Variants in CNDP1 observed in about 807,000 individuals in gnomAD.
The protein encoded by CNDP1 is carnosine dipeptidase 1.
In CNDP1, 44 loss-of-function variants were observed where a neutral mutation model predicts 58.1. The observed-to-expected ratio is 0.76, with a 90% confidence interval of 0.60 to 0.97. CNDP1 has a LOEUF of 0.97. Among genes scored for constraint, CNDP1 ranks in the 50% least tolerant of loss-of-function variants. The pLI is 0.00. For missense variants in CNDP1, 616 were observed against 655.1 expected (o/e 0.94, Z 0.65); for synonymous variants, 254 against 252.6 (o/e 1.01, Z -0.05).
chr18:74,570,234 T>TAATAATAATAATAAA (rs1568298355), intron 6 of CNDP1, among the ~76,000 whole-genome samples: 3 of 83,818 alleles, frequency 3.6e-5, no homozygotes, highest in South Asian at 3.8e-4. Context: ...ATAATAATAA[T>TAATAATAATAATAAA]AAATAATTAA....
intron 1 of CNDP1, among the ~76,000 whole-genome samples, chr18:74,553,859 T>C (rs1393778108): frequency 6.6e-6 from 1 of 152,224 alleles, no homozygotes; most frequent in African/African-American, 2.4e-5. Context: ...AAGATGCTGC[T>C]GTTGACCATC....
chr18:74,583,795 T>A, intron 11 of CNDP1, 87 bp downstream of exon 11: 1 of 1,326,254 alleles, frequency 7.5e-7, no homozygotes, highest in Non-Finnish European at 1.1e-6. Context: ...CCTGTTCAAT[T>A]TATGTGAGAA....
intron 11 of CNDP1, chr18:74,584,083 G>T: frequency 3.3e-6 from 1 of 299,894 alleles, no homozygotes; most frequent in Non-Finnish European, 6.2e-6. Context: ...GGGGGGTTAG[G>T]GGTTCAACAC....
At chr18:74,570,661 A>G (rs1392886382) in intron 6 of CNDP1, among the ~76,000 whole-genome samples, 1 of 152,194 alleles carries the variant, frequency 6.6e-6, no homozygotes, top group Non-Finnish European at 1.5e-5. Flanking sequence ...ATACATAGAC[A>G]CTATCCTGTG....
chr18:74,557,258 G>A (rs1007342261), intron 2 of CNDP1, among the ~76,000 whole-genome samples: 1 of 151,988 alleles, frequency 6.6e-6, no homozygotes, highest in South Asian at 2.1e-4. Context: ...GTCTTGCTCT[G>A]TCACCCAGGC....
chr18:74,552,888 C>T (rs890210133), intron 1 of CNDP1, among the ~76,000 whole-genome samples: 3 of 152,184 alleles, frequency 2.0e-5, no homozygotes, highest in South Asian at 2.1e-4. Context: ...TAGGCTTTTG[C>T]GTTCCCATCA....
chr18:74,567,845 C>T (rs1414619530), intron 6 of CNDP1, among the ~76,000 whole-genome samples: 1 of 152,216 alleles, frequency 6.6e-6, no homozygotes, highest in African/African-American at 2.4e-5. Flanking sequence ...GACCCCAGTG[C>T]CGTGGTCACA....
chr18:74,579,207 T>TG (rs1981720728), intron 9 of CNDP1, among the ~76,000 whole-genome samples: 28 of 43,506 alleles, frequency 6.4e-4, no homozygotes, highest in Admixed American at 3.0e-3. Flanking sequence ...TCCCTTGCCT[T>TG]CCCTTCCCTT....
chr18:74,552,867 C>G (rs114373090), intron 1 of CNDP1, among the ~76,000 whole-genome samples: 208 of 152,320 alleles, frequency 1.4e-3, no homozygotes, highest in African/African-American at 4.9e-3. Context: ...GACTGTTTTC[C>G]ACAGTGGCTG....
At position 74,538,633 on chromosome 18, in the gene CNDP1, G is replaced by A. The variant is rs557060743; in HGVS notation, c.24+3942G>A. Among the ~76,000 whole-genome samples the A allele has an allele frequency of 3.9e-5, 6 of 152,266 alleles. No individual in the cohort carries two copies. In the East Asian group the frequency reaches 1.2e-3, roughly 29 times the overall value. ...TGCCAGACTGCTTTCCATGCTGGCT[G>A]CACCATTTTGCATCCTCACTAGCAG... On this transcript the variant is annotated intron_variant, in intron 1 of 11. Transcript: ENST00000358821.
At chr18:74,559,230 C>A in intron 2 of CNDP1, 93 bp from the exon 3 acceptor site, 1 of 1,270,200 alleles carries the variant, frequency 7.9e-7, no homozygotes. Context: ...AGAAAAGTAC[C>A]TGGGGACTCG....
chr18:74,559,486 C>G lies in CNDP1; in HGVS notation c.303+14C>G, dbSNP rs774936594. On this transcript the variant is annotated intron_variant, in intron 3 of 11. Coordinates refer to ENST00000358821, the MANE Select transcript of CNDP1 (RefSeq NM_032649.6). ...GGTCCTCAGCAGGTGCTGTACGATT[C>G]CCTCCCACTGAGGGAGGTGCTACTT... The G allele has an allele frequency of 9.4e-6, 15 of 1,594,520 alleles. No individual in the cohort carries two copies. Among genetic ancestry groups the G allele is most frequent in the Non-Finnish European group, 1.2e-5 (14 of 1,175,124 alleles).
chr18:74,552,495 C>T (rs1162702782), intron 1 of CNDP1, among the ~76,000 whole-genome samples: 2 of 152,190 alleles, frequency 1.3e-5, no homozygotes, highest in African/African-American at 4.8e-5. Context: ...TAGACTGTTA[C>T]GTAAATGGAA....
chr18:74,586,640 G>C lies in CNDP1; in HGVS notation c.*2078G>C, dbSNP rs976571128. 7.2e-5 allele frequency: 11 copies of C among 152,146 alleles called. No homozygotes were observed. The highest frequency in any genetic ancestry group is 2.7e-4 in the African/African-American group (11 of 41,416). The allele number at this position is 152,146 out of a possible 1,614,324, so 9.4% of individuals were successfully genotyped here. On this transcript the variant is annotated 3_prime_UTR_variant, in exon 12 of 12. Coordinates refer to ENST00000358821, the MANE Select transcript of CNDP1 (RefSeq NM_032649.6). ...AAGGGGAGGAGAATGAATAGTTATG[G>C]AAGTTGTAGAATCTAGGATATTCCA...
At position 74,536,622 on chromosome 18, in the gene CNDP1, T is replaced by C. The variant is rs539002919; in HGVS notation, c.24+1931T>C. Reference sequence around the variant, plus strand: ...TAACATTCACATTCATGTGTCTTTATAGTAGAATGATTTATATTCCTCTGA... The same window carrying C: ...TAACATTCACATTCATGTGTCTTTACAGTAGAATGATTTATATTCCTCTGA... On this transcript the variant is annotated intron_variant, in intron 1 of 11. Coordinates refer to ENST00000358821, the MANE Select transcript of CNDP1 (RefSeq NM_032649.6). Among the ~76,000 whole-genome samples, 4 of 152,372 alleles carry C rather than the reference T, an allele frequency of 2.6e-5. No individual in the cohort carries two copies. In the East Asian group the frequency reaches 5.8e-4, roughly 22 times the overall value.
rs373557412 is a variant in CNDP1, at chr18:74,536,682, C to T, written c.24+1991C>T. Among the ~76,000 whole-genome samples the T allele has an allele frequency of 7.7e-4, 118 of 152,266 alleles. 1 individual carries two copies. In the South Asian group the frequency reaches 0.019, roughly 24 times the overall value. ...CCAGTAATGGGATTATTGGGTCAAA[C>T]GGTAGTTCTGTTTTTAGCTGTTTGA... On this transcript the variant is annotated intron_variant, in intron 1 of 11. Transcript: ENST00000358821.
chr18:74,575,395 G>C (rs563372894), intron 7 of CNDP1, among the ~76,000 whole-genome samples: 61 of 152,366 alleles, frequency 4.0e-4, no homozygotes, highest in African/African-American at 1.4e-3. Context: ...ATATGCTCAA[G>C]AGGAGATCTC....
chr18:74,556,515 C>A (rs1274797517), intron 2 of CNDP1, 49 bp downstream of exon 2: 6 of 1,604,512 alleles, frequency 3.7e-6, no homozygotes, highest in Non-Finnish European at 4.3e-6. Flanking sequence ...TGGATTATAT[C>A]CTTTGGTATT....
chr18:74,580,236 C>T lies in CNDP1; in HGVS notation c.1274C>T (p.Thr425Ile). Residue 425 changes from threonine (T) to isoleucine (I), a missense_variant, in exon 10 of 12, where the codon ACC (threonine) becomes ATC (isoleucine). By Grantham distance (89) the Thr-to-Ile change is moderately conservative (BLOSUM62 -1). Coordinates refer to ENST00000358821, the MANE Select transcript of CNDP1 (RefSeq NM_032649.6). Reference sequence around the variant, plus strand: ...CCGTGGATTGCAAATATTGATGACACCCAGTATCTCGCAGCAAAAAGAGCG... The same window carrying T: ...CCGTGGATTGCAAATATTGATGACATCCAGTATCTCGCAGCAAAAAGAGCG... Reference protein sequence around the residue: ...LHPWIANIDDTQYLAAKRAIR... With the variant: ...LHPWIANIDDIQYLAAKRAIR... 2 of 1,614,160 alleles carry T rather than the reference C, an allele frequency of 1.2e-6. No homozygotes were observed. Among genetic ancestry groups the T allele is most frequent in the Non-Finnish European group, 1.7e-6 (2 of 1,180,016 alleles).
Sources: gnomAD v4.1 joint callset for allele counts (sites outside exome capture counted in the v4.1 genomes callset) on GRCh38, gnomAD v4.1.1 for gene constraint, MANE v1.5 for transcripts, NCBI Gene and HGNC (gene_info 2026-07-23, HGNC 2026-07-21) for gene names.